Variants in DPY19L2 observed in about 807,000 individuals in gnomAD.
DPY19L2 encodes probable C-mannosyltransferase DPY19L2.
Under a neutral mutation model 97.9 loss-of-function variants are expected in DPY19L2, and 34 were observed. The observed-to-expected ratio is 0.35, with a 90% CI of 0.26 to 0.46. The LOEUF is 0.46. Among genes scored for constraint, DPY19L2 ranks in the 20% least tolerant of loss-of-function variants. The pLI is 1.00. For synonymous variants in DPY19L2, 230 were observed against 307.9 expected (o/e 0.75, Z 2.65); for missense variants, 623 against 911.4 (o/e 0.68, Z 4.07).
At chr12:63,630,626 T>A (rs7977509) in intron 6 of DPY19L2, among the ~76,000 whole-genome samples, 42,161 of 151,750 alleles carry the variant, frequency 0.28, 6,564 homozygotes, top group African/African-American at 0.42. Flanking sequence ...TGGGAGACTT[T>A]AACACCCCAT....
intron 21 of DPY19L2, among the ~76,000 whole-genome samples, chr12:63,565,632 G>A (rs192342627): frequency 8.5e-5 from 13 of 152,186 alleles, no homozygotes; most frequent in Admixed American, 4.6e-4. Flanking sequence ...CATGGCCATC[G>A]TGGGGGGCTC....
At chr12:63,615,327 T>C (rs1297472743) in intron 11 of DPY19L2, among the ~76,000 whole-genome samples, 2 of 152,122 alleles carry the variant, frequency 1.3e-5, no homozygotes, top group Admixed American at 1.3e-4. Context: ...GATGACAGAT[T>C]AGAATGTGAC....
At chr12:63,573,813 C>G (rs1328527731) in intron 19 of DPY19L2, among the ~76,000 whole-genome samples, 1 of 152,034 alleles carries the variant, frequency 6.6e-6, no homozygotes, top group East Asian at 1.9e-4. Context: ...AACCTTTTAC[C>G]TGAGAGTAGT....
At chr12:63,584,622 G>A (rs1342210394) in intron 16 of DPY19L2, among the ~76,000 whole-genome samples, 7 of 152,092 alleles carry the variant, frequency 4.6e-5, no homozygotes, top group African/African-American at 1.2e-4. Context: ...TGCTCTATAC[G>A]TCACCGGCCT....
At position 63,651,658 on chromosome 12, in the gene DPY19L2, C is replaced by A. The variant is rs572019701; in HGVS notation, c.589-4293G>T. The A allele has an allele frequency of 7.0e-4, 291 of 412,850 alleles. 2 individuals carry two copies. Among genetic ancestry groups the A allele is most frequent in the Non-Finnish European group, 2.6e-4 (53 of 203,946 alleles). The allele number at this position is 412,850 out of a possible 1,614,324, so 25.6% of individuals were successfully genotyped here. Reference sequence around the variant, plus strand: ...AAAATCTCCGGCCCTACAGAGACTGCGCGGTGCATTGAGTCCCTGATAGCT... The same window carrying A: ...AAAATCTCCGGCCCTACAGAGACTGAGCGGTGCATTGAGTCCCTGATAGCT... On this transcript the variant is annotated intron_variant, in intron 4 of 21. Transcript: ENST00000324472.
At chr12:63,632,834 C>T (rs1316609216) in intron 6 of DPY19L2, among the ~76,000 whole-genome samples, 2 of 152,190 alleles carry the variant, frequency 1.3e-5, no homozygotes, top group African/African-American at 2.4e-5. Flanking sequence ...GCTACAGTAA[C>T]CAAAACAGCA....
intron 19 of DPY19L2, among the ~76,000 whole-genome samples, chr12:63,577,516 A>T (rs1158616613): frequency 1.3e-5 from 2 of 152,148 alleles, no homozygotes; most frequent in African/African-American, 4.8e-5. Context: ...AGAATAAGCA[A>T]AAATATTTGC....
At chr12:63,634,602 C>T (rs781028667) in intron 6 of DPY19L2, among the ~76,000 whole-genome samples, 36 of 152,148 alleles carry the variant, frequency 2.4e-4, no homozygotes, top group Admixed American at 7.9e-4. Flanking sequence ...ACTTTTCCAA[C>T]GGTCTTAGCA....
intron 16 of DPY19L2, among the ~76,000 whole-genome samples, chr12:63,593,216 G>A (rs939344078): frequency 5.3e-5 from 8 of 152,172 alleles, no homozygotes; most frequent in Non-Finnish European, 1.0e-4. Context: ...TTCAACCCTT[G>A]TGGAAGTCAG....
At chr12:63,581,498 T>TTC (rs1193019694) in intron 18 of DPY19L2, among the ~76,000 whole-genome samples, 1 of 146,448 alleles carries the variant, frequency 6.8e-6, no homozygotes, top group Non-Finnish European at 1.5e-5. Context: ...TTTTTTTTTT[T>TTC]TCTGAGACAG....
intron 5 of DPY19L2, among the ~76,000 whole-genome samples, chr12:63,645,165 G>C (rs1467840564): frequency 6.6e-6 from 1 of 152,074 alleles, no homozygotes; most frequent in East Asian, 1.9e-4. Flanking sequence ...ATATTAGCTG[G>C]TATAAACATA....
At chr12:63,623,077 T>C (rs1043850485) in intron 8 of DPY19L2, among the ~76,000 whole-genome samples, 6 of 151,938 alleles carry the variant, frequency 3.9e-5, no homozygotes, top group African/African-American at 1.2e-4. Context: ...TTGGAGGAGA[T>C]AGTGATCATT....
intron 6 of DPY19L2, among the ~76,000 whole-genome samples, chr12:63,639,116 T>C (rs1892255426): frequency 6.6e-6 from 1 of 152,180 alleles, no homozygotes; most frequent in South Asian, 2.1e-4. Flanking sequence ...GGATTCCCTA[T>C]TTAATAAATG....
intron 20 of DPY19L2, among the ~76,000 whole-genome samples, chr12:63,570,113 A>C (rs1434839381): frequency 6.6e-6 from 1 of 152,160 alleles, no homozygotes; most frequent in Non-Finnish European, 1.5e-5. Context: ...GCCTCTAACA[A>C]TAGGCCAAAA....
At chr12:63,661,505 T>C in intron 3 of DPY19L2, 24 bp from the exon 4 acceptor site, 1 of 1,490,860 alleles carries the variant, frequency 6.7e-7, no homozygotes. Flanking sequence ...AAGACATATA[T>C]TGTCAATGTA....
intron 4 of DPY19L2, among the ~76,000 whole-genome samples, chr12:63,656,514 T>TATTC (rs1453835737): frequency 6.6e-6 from 1 of 152,218 alleles, no homozygotes; most frequent in Non-Finnish European, 1.5e-5. Flanking sequence ...TTTGTTTATC[T>TATTC]ATTCATTCAT....
rs147466909 is a variant in DPY19L2, at chr12:63,637,912, G to C, written c.803+6491C>G. ...CTGGCAGAGACACAACAAAAAAAGA[G>C]AATTTTAGACCAATATCCCTGATGA... On this transcript the variant is annotated intron_variant, in intron 6 of 21. Transcript: ENST00000324472. Among the ~76,000 whole-genome samples, 446 of 152,156 alleles carry C rather than the reference G, an allele frequency of 2.9e-3. 3 individuals are homozygous for C. The highest frequency in any genetic ancestry group is 9.4e-3 in the African/African-American group (389 of 41,518).
At chr12:63,628,419 A>C (rs1321548678) in intron 6 of DPY19L2, among the ~76,000 whole-genome samples, 2 of 152,168 alleles carry the variant, frequency 1.3e-5, no homozygotes, top group Non-Finnish European at 2.9e-5. Flanking sequence ...AGGAGATTAT[A>C]TCACACACCT....
intron 12 of DPY19L2, among the ~76,000 whole-genome samples, chr12:63,606,459 A>G (rs939010644): frequency 9.9e-5 from 15 of 152,208 alleles, no homozygotes; most frequent in South Asian, 2.1e-4. Context: ...AATTTTATCA[A>G]TTTTATTTTC....
Sources: allele counts gnomAD v4.1 joint callset (sites outside exome capture counted in the v4.1 genomes callset), GRCh38; gene constraint gnomAD v4.1.1; transcripts MANE v1.5; gene names NCBI Gene and HGNC (gene_info 2026-07-23, HGNC 2026-07-21).